The following CSMD1 variants were observed in gnomAD, a reference collection of about 807,000 sequenced individuals.
The protein encoded by CSMD1 is CUB and Sushi multiple domains 1.
In CSMD1, 213 loss-of-function variants were observed where a neutral mutation model predicts 417.5. That is an observed-to-expected ratio of 0.51 (90% CI 0.46 to 0.57). The LOEUF is 0.57. Among genes scored for constraint, CSMD1 ranks in the 20% least tolerant of loss-of-function variants. CSMD1 has a pLI of 0.00. For synonymous variants in CSMD1, 2,862 were observed against 1,736.8 expected, an observed-to-expected ratio of 1.65 and a Z score of -16.11; for missense variants, 6,923 against 4,529.7, an observed-to-expected ratio of 1.53 and a Z score of -15.17.
intron 1 of CSMD1, among the ~76,000 whole-genome samples, chr8:4,782,635 T>A (rs1797210944): frequency 6.6e-6 from 1 of 152,178 alleles, no homozygotes; most frequent in African/African-American, 2.4e-5. Flanking sequence ...CAGCTATTTT[T>A]TACTGTATAT....
chr8:3,535,038 C>T (rs530219696), intron 10 of CSMD1, among the ~76,000 whole-genome samples: 1 of 152,172 alleles, frequency 6.6e-6, no homozygotes, highest in Non-Finnish European at 1.5e-5. Flanking sequence ...GCATTCAACT[C>T]CTGGGCTTAA....
At chr8:4,473,482 G>C (rs1401734906) in intron 2 of CSMD1, among the ~76,000 whole-genome samples, 1 of 152,136 alleles carries the variant, frequency 6.6e-6, no homozygotes, top group Non-Finnish European at 1.5e-5. Context: ...CCCAGTGTCT[G>C]CAAATCCAAA....
At chr8:3,264,239 T>C (rs775960660) in intron 26 of CSMD1, among the ~76,000 whole-genome samples, 52 of 152,202 alleles carry the variant, frequency 3.4e-4, no homozygotes, top group Non-Finnish European at 6.9e-4. Flanking sequence ...TCTCTGCGAA[T>C]TCACCAGTTC....
intron 6 of CSMD1, among the ~76,000 whole-genome samples, chr8:3,738,720 T>A (rs1227362013): frequency 6.6e-6 from 1 of 152,196 alleles, no homozygotes; most frequent in Non-Finnish European, 1.5e-5. Flanking sequence ...CACCCTGTGG[T>A]CACCAACCCT....
At chr8:3,632,933 G>C (rs990004715) in intron 7 of CSMD1, among the ~76,000 whole-genome samples, 1 of 152,190 alleles carries the variant, frequency 6.6e-6, no homozygotes, top group South Asian at 2.1e-4. Flanking sequence ...AAATTATAAT[G>C]ATCATTTCAG....
chr8:4,354,119 C>T (rs554321184), intron 3 of CSMD1, among the ~76,000 whole-genome samples: 129 of 152,182 alleles, frequency 8.5e-4, no homozygotes, highest in Non-Finnish European at 6.5e-4. Flanking sequence ...TGCCCAAGAA[C>T]GCGCCTGAAA....
chr8:3,562,940 A>C (rs527788677), intron 10 of CSMD1, among the ~76,000 whole-genome samples: 1 of 152,162 alleles, frequency 6.6e-6, no homozygotes, highest in South Asian at 2.1e-4. Flanking sequence ...AAACCAAACC[A>C]TCCATTTAGT....
At chr8:3,324,376 A>T (rs538803332) in intron 23 of CSMD1, among the ~76,000 whole-genome samples, 1 of 149,422 alleles carries the variant, frequency 6.7e-6, no homozygotes, top group Admixed American at 6.7e-5. Context: ...GGGACCCAGG[A>T]AGGGGCGTTT....
intron 3 of CSMD1, among the ~76,000 whole-genome samples, chr8:4,035,525 C>G (rs1422609667): frequency 1.3e-5 from 2 of 151,550 alleles, no homozygotes; most frequent in Non-Finnish European, 2.9e-5. Context: ...TCTGGTGGGA[C>G]AAGACGTCAA....
intron 1 of CSMD1, among the ~76,000 whole-genome samples, chr8:4,689,925 A>G (rs1210999711): frequency 6.6e-6 from 1 of 152,186 alleles, no homozygotes; most frequent in African/African-American, 2.4e-5. Flanking sequence ...CACAGCTACA[A>G]ATGTTATCAC....
chr8:4,726,405 C>A (rs899145), intron 1 of CSMD1, among the ~76,000 whole-genome samples: 79,647 of 151,992 alleles, frequency 0.52, 24,016 homozygotes, highest in East Asian at 0.8. Flanking sequence ...AGCACTCTAC[C>A]CTTTAGTGTA....
At chr8:3,811,278 G>C (rs1801059835) in intron 5 of CSMD1, among the ~76,000 whole-genome samples, 1 of 152,186 alleles carries the variant, frequency 6.6e-6, no homozygotes, top group South Asian at 2.1e-4. Context: ...CCAGAGATAA[G>C]TTTATGAGCA....
At position 2,966,655 on chromosome 8, in the gene CSMD1, G is replaced by A. The variant is rs1428819479; in HGVS notation, c.9015C>T (p.Cys3005=). 3 of 1,613,582 alleles carry A rather than the reference G, an allele frequency of 1.9e-6. No homozygotes were observed. The highest frequency in any genetic ancestry group is 1.3e-5 in the African/African-American group (1 of 74,896). The change falls in exon 58 of 70, where the codon TGC becomes TGT. Residue 3005 remains cysteine (C), a synonymous_variant. Coordinates refer to ENST00000635120, the MANE Select transcript of CSMD1 (RefSeq NM_033225.6). ...GCCCTGAGGTCTTGTAGCCTTCCCA[G>A]CAGGCATAGATGACCGAGCTGGAGA... The part of the protein sequence containing the change: ...ILFSSSVIYA[C]WEGYKTSGLM...
chr8:4,627,841 A>G (rs928812062), intron 2 of CSMD1, among the ~76,000 whole-genome samples: 16 of 152,178 alleles, frequency 1.1e-4, no homozygotes, highest in African/African-American at 3.9e-4. Flanking sequence ...AGATATTGCT[A>G]TAAATCAAAG....
chr8:3,145,722 A>G (rs1268236199), intron 40 of CSMD1, among the ~76,000 whole-genome samples: 1 of 152,232 alleles, frequency 6.6e-6, no homozygotes, highest in African/African-American at 2.4e-5. Context: ...AAGCCCAAAT[A>G]AAAGGATTAA....
intron 1 of CSMD1, among the ~76,000 whole-genome samples, chr8:4,708,844 G>A (rs1262138159): frequency 6.6e-6 from 1 of 152,138 alleles, no homozygotes; most frequent in Non-Finnish European, 1.5e-5. Context: ...AATCCGACAT[G>A]ACTGGTGTTG....
chr8:3,384,769 A>G (rs1159467033), intron 18 of CSMD1, among the ~76,000 whole-genome samples: 1 of 125,832 alleles, frequency 7.9e-6, no homozygotes, highest in Non-Finnish European at 1.6e-5. Flanking sequence ...TTATATAAAT[A>G]TATATTTATA....
chr8:3,096,494 G>A (rs962801922), intron 47 of CSMD1, among the ~76,000 whole-genome samples: 63 of 152,140 alleles, frequency 4.1e-4, no homozygotes, highest in African/African-American at 1.4e-3. Flanking sequence ...CATGCCTGCC[G>A]TCATCCATGT....
chr8:3,601,723 A>T (rs1801369535), intron 8 of CSMD1, among the ~76,000 whole-genome samples: 1 of 152,260 alleles, frequency 6.6e-6, no homozygotes, highest in Non-Finnish European at 1.5e-5. Context: ...ATATTAAAGC[A>T]GTGAACATTG....
Sources: allele counts gnomAD v4.1 joint callset (sites outside exome capture counted in the v4.1 genomes callset), GRCh38; gene constraint gnomAD v4.1.1; transcripts MANE v1.5; gene names NCBI Gene and HGNC (gene_info 2026-07-23, HGNC 2026-07-21).